Variants in DYNC1I2 observed in about 807,000 individuals in gnomAD.
DYNC1I2 encodes the protein cytoplasmic dynein 1 intermediate chain 2.
DYNC1I2 carries 53 observed loss-of-function variants against 88.6 expected under a neutral mutation model. The ratio of observed to expected loss-of-function variants is 0.60; its 90% CI spans 0.48 to 0.75. The LOEUF (loss-of-function observed/expected upper bound fraction) is 0.75, where lower values mean the gene tolerates loss of function less well. Ranked by LOEUF, DYNC1I2 falls within the 30% of genes least tolerant of loss-of-function variation. DYNC1I2 has a pLI of 0.00. For missense variants in DYNC1I2, 458 were observed against 766.6 expected (o/e 0.60, Z 4.75); for synonymous variants, 198 against 254.6 (o/e 0.78, Z 2.12).
chr2:171,728,785 A>G lies in DYNC1I2; in HGVS notation c.1326A>G (p.Gly442=). The change falls in exon 14 of 18, where the codon GGA becomes GGG. Residue 442 remains glycine (G), a synonymous_variant. Transcript: ENST00000397119. The part of the protein sequence containing the change: ...VAVTSMSFPV[G]DVNNFVVGSE... Reference sequence around the variant, plus strand: ...TGACATCTATGTCCTTCCCTGTTGGAGATGTCAACAACTTTGTTGTTGGGA... The same window carrying G: ...TGACATCTATGTCCTTCCCTGTTGGGGATGTCAACAACTTTGTTGTTGGGA... 1 of 1,610,686 alleles carries G rather than the reference A, an allele frequency of 6.2e-7. No individual in the cohort carries two copies. The highest frequency in any genetic ancestry group is 1.3e-5 in the African/African-American group (1 of 74,974).
At chr2:171,691,132 C>T (rs1292059589) in intron 2 of DYNC1I2, among the ~76,000 whole-genome samples, 1 of 152,040 alleles carries the variant, frequency 6.6e-6, no homozygotes. Context: ...GGGATTTGTT[C>T]TTATCTCTTA....
chr2:171,728,477 G>A (rs767019373), intron 13 of DYNC1I2, 59 bp downstream of exon 13: 33 of 1,041,300 alleles, frequency 3.2e-5, no homozygotes, highest in Non-Finnish European at 4.1e-5. Context: ...AAGTGTATGT[G>A]TACCTCAACT....
chr2:171,689,298 G>A (rs1169570032), intron 1 of DYNC1I2, among the ~76,000 whole-genome samples: 1 of 152,222 alleles, frequency 6.6e-6, no homozygotes, highest in African/African-American at 2.4e-5. Context: ...AGGTGTTATT[G>A]TGGAGAAATA....
rs1309487133 is a variant in DYNC1I2 at position 171,700,479 on chromosome 2, C to T, written c.227-6068C>T. Among the ~76,000 whole-genome samples the T allele has an allele frequency of 3.9e-5, 6 of 152,246 alleles. No homozygotes were observed. The East Asian group carries it at 5.8e-4, about 15-fold the overall frequency. On this transcript the variant is annotated intron_variant, in intron 3 of 17. Transcript: ENST00000397119. ...GAGAGATTTCAACATTTAAAAAAAT[C>T]GTAGCCTTATAAGTGATGAAAGGCA...
At position 171,749,982 on chromosome 2, in the gene DYNC1I2, T is replaced by TATC. The variant is rs1689999500; in HGVS notation, c.*2095_*2097dup. ...ATATCCAGTTACAGAAATTGTACCTTATCAGTTATACTTTTTTTCTGAGTA... is the reference window on the plus strand; with the variant it reads ...ATATCCAGTTACAGAAATTGTACCTTATCATCAGTTATACTTTTTTTCTGAGTA... On this transcript the variant is annotated 3_prime_UTR_variant, in exon 18 of 18. Coordinates refer to ENST00000397119, the MANE Select transcript of DYNC1I2 (RefSeq NM_001378.3). Among the ~76,000 whole-genome samples the TATC allele has an allele frequency of 6.6e-6, 1 of 152,206 alleles. No homozygotes were observed. Among genetic ancestry groups the TATC allele is most frequent in the African/African-American group, 2.4e-5 (1 of 41,472 alleles).
At chr2:171,728,087 C>A in intron 12 of DYNC1I2, 120 bp downstream of exon 12, 2 of 1,230,152 alleles carry the variant, frequency 1.6e-6, no homozygotes, top group South Asian at 1.9e-5. Context: ...GAATTCCTCA[C>A]CATTTAGCAA....
chr2:171,731,351 A>G (rs148093917), intron 15 of DYNC1I2, among the ~76,000 whole-genome samples: 1 of 152,306 alleles, frequency 6.6e-6, no homozygotes, highest in Non-Finnish European at 1.5e-5. Context: ...ATGACACTCA[A>G]AGGAAACATT....
At chr2:171,697,532 T>G (rs1685866763) in intron 3 of DYNC1I2, among the ~76,000 whole-genome samples, 1 of 152,030 alleles carries the variant, frequency 6.6e-6, no homozygotes, top group Non-Finnish European at 1.5e-5. Flanking sequence ...ATTCGAACTG[T>G]GTGTGGTGGT....
intron 7 of DYNC1I2, among the ~76,000 whole-genome samples, chr2:171,725,223 C>A (rs1688158146): frequency 6.6e-6 from 1 of 152,188 alleles, no homozygotes; most frequent in South Asian, 2.1e-4. Context: ...AATGTGTCAG[C>A]ATGCTATATA....
chr2:171,698,865 T>C (rs1337627752), intron 3 of DYNC1I2, among the ~76,000 whole-genome samples: 12 of 151,798 alleles, frequency 7.9e-5, no homozygotes, highest in African/African-American at 2.9e-4. Context: ...CGAGACTCTG[T>C]CTCAAAAGAA....
chr2:171,713,057 A>G (rs1019096736), intron 6 of DYNC1I2, among the ~76,000 whole-genome samples: 24 of 152,220 alleles, frequency 1.6e-4, no homozygotes, highest in South Asian at 4.1e-4. Context: ...AATTATTTCT[A>G]TGTTTTTAAT....
chr2:171,733,684 G>A (rs1688799673), intron 15 of DYNC1I2, among the ~76,000 whole-genome samples: 1 of 151,440 alleles, frequency 6.6e-6, no homozygotes, highest in South Asian at 2.1e-4. Context: ...ATCTTCGTCA[G>A]ATTCATAGAT....
intron 7 of DYNC1I2, among the ~76,000 whole-genome samples, chr2:171,718,464 C>G (rs897314310): frequency 2.0e-5 from 3 of 151,084 alleles, no homozygotes; most frequent in Non-Finnish European, 4.4e-5. Context: ...GACAGAGTCT[C>G]GCTCTGTGGC....
rs764514001 is a variant in DYNC1I2, at chr2:171,727,984, A to G, written c.1143+17A>G. The G allele has an allele frequency of 2.5e-6, 4 of 1,609,426 alleles. No individual in the cohort carries two copies. The highest frequency in any genetic ancestry group is 2.2e-5 in the South Asian group (2 of 90,212). ...GCACACACAGTAAGTAAATAAGGTTATTTCCATTAGGCTTCTGTGCTCCTT... is the reference window on the plus strand; with the variant it reads ...GCACACACAGTAAGTAAATAAGGTTGTTTCCATTAGGCTTCTGTGCTCCTT... On this transcript the variant is annotated intron_variant, in intron 12 of 17. Coordinates refer to ENST00000397119, the MANE Select transcript of DYNC1I2 (RefSeq NM_001378.3).
At chr2:171,712,926 C>T (rs927250846) in intron 6 of DYNC1I2, 100 bp downstream of exon 6, 12 of 987,950 alleles carry the variant, frequency 1.2e-5, no homozygotes, top group Non-Finnish European at 1.7e-5. Context: ...TATTGTATCA[C>T]GTAGTAAGGA....
chr2:171,690,624 A>T, intron 2 of DYNC1I2, among the ~76,000 whole-genome samples: 1 of 151,644 alleles, frequency 6.6e-6, no homozygotes, highest in East Asian at 1.9e-4. Context: ...ATTATAAAGT[A>T]AGGCGCATCT....
chr2:171,726,051 A>G lies in DYNC1I2; in HGVS notation c.740A>G (p.Tyr247Cys), dbSNP rs752940799. The G allele has an allele frequency of 8.2e-6, 13 of 1,584,422 alleles. No homozygotes were observed. Among genetic ancestry groups the G allele is most frequent in the Non-Finnish European group, 2.6e-6 (3 of 1,170,272 alleles). ...GAGCAGATTAACATCTTCTTTGACT[A>G]TAGTGGGAGAGATTTGGAAGACAAA... ...LSEQINIFFDYSGRDLEDKEG... is the reference protein window; with the variant it reads ...LSEQINIFFDCSGRDLEDKEG... Residue 247 changes from tyrosine (Y) to cysteine (C), a missense_variant, in exon 9 of 18, where the codon TAT becomes TGT. Tyr to Cys is a radical substitution (Grantham distance 194, BLOSUM62 -2). Transcript: ENST00000397119.
At chr2:171,728,997 T>G in intron 14 of DYNC1I2, 147 bp downstream of exon 14, 1 of 871,828 alleles carries the variant, frequency 1.1e-6, no homozygotes, top group Non-Finnish European at 1.7e-6. Context: ...AATTAAAACT[T>G]AATACCTTTT....
chr2:171,725,794 A>G (rs1231778649), intron 8 of DYNC1I2, 81 bp downstream of exon 8: 1 of 1,269,280 alleles, frequency 7.9e-7, no homozygotes, highest in Non-Finnish European at 1.1e-6. Flanking sequence ...GTAGGATGAA[A>G]TGCTGTAAAT....
Sources: allele counts gnomAD v4.1 joint callset (sites outside exome capture counted in the v4.1 genomes callset), GRCh38; gene constraint gnomAD v4.1.1; transcripts MANE v1.5; gene names NCBI Gene and HGNC (gene_info 2026-07-23, HGNC 2026-07-21).